Variants in PANK3 observed in about 807,000 individuals in gnomAD.
PANK3 encodes the protein pantothenate kinase 3.
Under a neutral mutation model 39.4 loss-of-function variants are expected in PANK3, and 20 were observed. That is an observed-to-expected ratio of 0.51 (90% confidence interval 0.36 to 0.74). PANK3 has a LOEUF of 0.74. Ranked by LOEUF, PANK3 falls within the 30% of genes least tolerant of loss-of-function variation. The probability of loss-of-function intolerance (pLI) is 0.00; values close to 1 mark genes in which losing one functional copy is unlikely to be tolerated. For synonymous variants in PANK3, 140 were observed against 157.3 expected, an observed-to-expected ratio of 0.89 and a Z score of 0.82; for missense variants, 265 against 437.0, an observed-to-expected ratio of 0.61 and a Z score of 3.51.
chr5:168,561,360 A>G (rs1402552547), intron 5 of PANK3, 33 bp downstream of exon 5: 2 of 1,547,156 alleles, frequency 1.3e-6, no homozygotes, highest in African/African-American at 1.4e-5. Context: ...CACATTTTTG[A>G]TAATTCAAGT....
At position 168,553,379 on chromosome 5, in the gene PANK3, C is replaced by A; in HGVS notation, c.*4192G>T. 1 of 491,050 alleles carries A rather than the reference C, an allele frequency of 2.0e-6. No individual in the cohort carries two copies. The highest frequency in any genetic ancestry group is 4.1e-6 in the Non-Finnish European group (1 of 242,800). 30.4% of individuals were successfully genotyped at this position (491,050 alleles called of 1,614,324 possible). A position where few individuals can be genotyped will look rare whatever the true frequency, so the allele number is the denominator to read the frequency against. On this transcript the variant is annotated 3_prime_UTR_variant, in exon 7 of 7. Coordinates refer to ENST00000239231, the MANE Select transcript of PANK3 (RefSeq NM_024594.4). ...AGGATCAGCATTTCAACCAACTCAG[C>A]TTGTCTGCAGAATCCCATAAGGCAA...
chr5:168,567,242 T>C (rs770962994), intron 2 of PANK3, among the ~76,000 whole-genome samples: 64 of 152,200 alleles, frequency 4.2e-4, no homozygotes, highest in Non-Finnish European at 6.8e-4. Flanking sequence ...ATGTGTAGCT[T>C]TGGTATTCAT....
At position 168,553,373 on chromosome 5, in the gene PANK3, A is replaced by G; in HGVS notation, c.*4198T>C. On this transcript the variant is annotated 3_prime_UTR_variant, in exon 7 of 7. Coordinates refer to ENST00000239231, the MANE Select transcript of PANK3 (RefSeq NM_024594.4). ...TGGCCCAGGATCAGCATTTCAACCA[A>G]CTCAGCTTGTCTGCAGAATCCCATA... 2.0e-6 allele frequency: 1 copy of G among 495,712 alleles called. No individual in the cohort carries two copies. Among genetic ancestry groups the G allele is most frequent in the East Asian group, 6.5e-5 (1 of 15,394 alleles). 30.7% of individuals were successfully genotyped at this position (495,712 alleles called of 1,614,324 possible).
chr5:168,566,100 T>C lies in PANK3; in HGVS notation c.548A>G (p.Tyr183Cys). The change falls in exon 3 of 7, where the codon TAT becomes TGT. Residue 183 changes from tyrosine (Y) to cysteine (C), a missense_variant. Physicochemically the swap from Tyr to Cys is radical, Grantham distance 194. Transcript: ENST00000239231. ...GCCAATGTTCACTACAAGCAGTGGA[T>C]AGGGATCATCCAGGTTAAAAGGCAT... ...QKMPFNLDDP[Y>C]PLLVVNIGSG... is the part of the protein sequence containing the mutation. The C allele has an allele frequency of 6.2e-7, 1 of 1,613,824 alleles. No homozygotes were observed. The highest frequency in any genetic ancestry group is 8.5e-7 in the Non-Finnish European group (1 of 1,179,974).
intron 6 of PANK3, 104 bp from the exon 7 acceptor site, chr5:168,557,725 AT>A: frequency 1.1e-6 from 1 of 935,716 alleles, no homozygotes; most frequent in Non-Finnish European, 1.6e-6. Flanking sequence ...TTGTTTAATA[AT>A]ATTTGGAAAC....
intron 1 of PANK3, among the ~76,000 whole-genome samples, chr5:168,576,592 G>A (rs879877006): frequency 2.6e-5 from 4 of 152,012 alleles, no homozygotes; most frequent in Admixed American, 6.6e-5. Context: ...ATATGCATTC[G>A]GGTTTATAAC....
intron 6 of PANK3, 107 bp downstream of exon 6, chr5:168,558,925 A>T: frequency 9.3e-7 from 1 of 1,071,742 alleles, no homozygotes; most frequent in Non-Finnish European, 1.3e-6. Flanking sequence ...AAGAGGCTGC[A>T]GTAAGCCATC....
Position 168,557,617 on chromosome 5 carries a change from T to G in PANK3, c.1067A>C (p.Tyr356Ser). The change falls in exon 7 of 7, where the codon TAC becomes TCC. Residue 356 changes from tyrosine (Y) to serine (S), a missense_variant. By Grantham distance (144) the Tyr-to-Ser change is moderately radical. Coordinates refer to ENST00000239231, the MANE Select transcript of PANK3 (RefSeq NM_024594.4). ...LKALFLEHEG[Y>S]FGAVGALLGL... ...AAGAAGTGCACCAACTGCTCCAAAGTAACCCTGTGTAATTTAAAAATAACT... is the reference window on the plus strand; with the variant it reads ...AAGAAGTGCACCAACTGCTCCAAAGGAACCCTGTGTAATTTAAAAATAACT... 6.2e-7 allele frequency: 1 copy of G among 1,613,412 alleles called. No homozygotes were observed. The highest frequency in any genetic ancestry group is 8.5e-7 in the Non-Finnish European group (1 of 1,179,624).
At chr5:168,564,142 C>A in intron 3 of PANK3, 77 bp from the exon 4 acceptor site, 1 of 1,233,074 alleles carries the variant, frequency 8.1e-7, no homozygotes, top group Non-Finnish European at 1.1e-6. Context: ...GTGGATCATT[C>A]ATGTATTCAA....
chr5:168,574,743 C>T (rs290575), intron 1 of PANK3, among the ~76,000 whole-genome samples: 46,671 of 151,936 alleles, frequency 0.31, 7,502 homozygotes, highest in South Asian at 0.45. Context: ...TGCCTGTAAT[C>T]CCAGCTACTT....
At chr5:168,557,982 TA>T (rs1759378017) in intron 6 of PANK3, among the ~76,000 whole-genome samples, 1 of 152,054 alleles carries the variant, frequency 6.6e-6, no homozygotes, top group Non-Finnish European at 1.5e-5. Flanking sequence ...CTTTAGACAC[TA>T]AAGCTTCCAG....
chr5:168,559,646 C>T (rs58531184), intron 5 of PANK3, among the ~76,000 whole-genome samples: 2 of 151,950 alleles, frequency 1.3e-5, no homozygotes, highest in African/African-American at 4.8e-5. Flanking sequence ...TGAAAATGGC[C>T]AATAAATAGC....
At chr5:168,578,052 A>G (rs904663182) in intron 1 of PANK3, among the ~76,000 whole-genome samples, 1 of 152,262 alleles carries the variant, frequency 6.6e-6, no homozygotes, top group Non-Finnish European at 1.5e-5. Context: ...TAATTAACAG[A>G]TGAAACTACC....
At chr5:168,560,884 A>G in intron 5 of PANK3, 1 of 467,500 alleles carries the variant, frequency 2.1e-6, no homozygotes, top group Non-Finnish European at 4.6e-6. Context: ...AAATATCATG[A>G]AGAACAGGTC....
chr5:168,571,957 A>G (rs575310854), intron 1 of PANK3, among the ~76,000 whole-genome samples: 19 of 152,312 alleles, frequency 1.2e-4, no homozygotes, highest in Admixed American at 7.2e-4. Context: ...GTAAAATGAC[A>G]TTAGACCATA....
chr5:168,566,854 C>T (rs995107573), intron 2 of PANK3, among the ~76,000 whole-genome samples: 16 of 152,072 alleles, frequency 1.1e-4, no homozygotes, highest in Admixed American at 2.6e-4. Context: ...AGCGATTCTC[C>T]GCCTCAGCCT....
intron 1 of PANK3, among the ~76,000 whole-genome samples, chr5:168,576,081 G>C (rs1240510006): frequency 1.3e-5 from 2 of 152,110 alleles, no homozygotes; most frequent in Non-Finnish European, 2.9e-5. Context: ...GATTCCTTAG[G>C]ACAGCTTCAG....
intron 6 of PANK3, 101 bp downstream of exon 6, chr5:168,558,931 C>T (rs1305890563): frequency 7.9e-6 from 9 of 1,142,812 alleles, no homozygotes; most frequent in Non-Finnish European, 1.1e-5. Flanking sequence ...CTGCAGTAAG[C>T]CATCATTGTG....
intron 6 of PANK3, 73 bp downstream of exon 6, chr5:168,558,959 G>A: frequency 2.1e-6 from 3 of 1,434,520 alleles, no homozygotes; most frequent in Non-Finnish European, 1.9e-6. Context: ...ACTCAAGCCT[G>A]AGTGACAGAG....
Sources: gnomAD v4.1 joint callset for allele counts (sites outside exome capture counted in the v4.1 genomes callset) on GRCh38, gnomAD v4.1.1 for gene constraint, MANE v1.5 for transcripts, NCBI Gene and HGNC (gene_info 2026-07-23, HGNC 2026-07-21) for gene names.